Variants in SESN3 observed in about 807,000 individuals in gnomAD.
SESN3 encodes the protein sestrin-3.
In SESN3, 21 loss-of-function variants were observed where a neutral mutation model predicts 55.3. That is an observed-to-expected ratio of 0.38 (90% CI 0.27 to 0.55). SESN3 has a LOEUF of 0.55. Among genes scored for constraint, SESN3 ranks in the 20% least tolerant of loss-of-function variants. The probability of loss-of-function intolerance (pLI) is 0.76; values close to 1 mark genes in which losing one functional copy is unlikely to be tolerated. For synonymous variants in SESN3, 181 were observed against 203.1 expected (o/e 0.89, Z 0.93); for missense variants, 408 against 604.3 (o/e 0.68, Z 3.41).
At chr11:95,175,970 G>A (rs1859948010) in intron 8 of SESN3, among the ~76,000 whole-genome samples, 1 of 152,184 alleles carries the variant, frequency 6.6e-6, no homozygotes, top group Non-Finnish European at 1.5e-5. Flanking sequence ...TGGGAGGAGA[G>A]GAGTTGTTAT....
rs1481252851 is a variant in SESN3, at chr11:95,231,133, C to T, written c.-273G>A. The T allele has an allele frequency of 2.4e-6, 1 of 418,744 alleles. No homozygotes were observed. Among genetic ancestry groups the T allele is most frequent in the Admixed American group, 4.4e-5 (1 of 22,604 alleles). The allele number at this position is 418,744 out of a possible 1,614,324, so 25.9% of individuals were successfully genotyped here. On this transcript the variant is annotated 5_prime_UTR_variant, in exon 1 of 10. Transcript: ENST00000536441. ...CCGCCCCCATCTTCCAGACCCCCGC[C>T]CCCGCCAGGCTAGGACGAGCAGCCG...
In SESN3 at chr11:95,166,950, CTT is replaced by C. The variant is rs989599019; in HGVS notation, c.*6303_*6304del. 2 of 152,170 alleles carry C rather than the reference CTT, an allele frequency of 1.3e-5. No homozygotes were observed. Among genetic ancestry groups the C allele is most frequent in the Non-Finnish European group, 2.9e-5 (2 of 68,018 alleles). The allele number at this position is 152,170 out of a possible 1,614,324, so 9.4% of individuals were successfully genotyped here. A position where few individuals can be genotyped will look rare whatever the true frequency, so the allele number is the denominator to read the frequency against. ...TGGTGAACAAGGGTACTATTTAACT[CTT>C]TTACCTTAGAGAACCAGCGAAATTC... On this transcript the variant is annotated 3_prime_UTR_variant, in exon 10 of 10. Coordinates refer to ENST00000536441, the MANE Select transcript of SESN3 (RefSeq NM_144665.4).
chr11:95,176,903 A>G (rs1859967507), intron 8 of SESN3, among the ~76,000 whole-genome samples: 1 of 152,184 alleles, frequency 6.6e-6, no homozygotes, highest in Non-Finnish European at 1.5e-5. Context: ...ACATACAACC[A>G]TAATCTATTA....
rs745881490 is a variant in SESN3, at chr11:95,191,620, A to G, written c.145-19T>C. The G allele has an allele frequency of 7.6e-6, 12 of 1,587,446 alleles. No individual in the cohort carries two copies. Among genetic ancestry groups the G allele is most frequent in the East Asian group, 4.6e-5 (2 of 43,908 alleles). On this transcript the variant is annotated intron_variant, in intron 2 of 9. Coordinates refer to ENST00000536441, the MANE Select transcript of SESN3 (RefSeq NM_144665.4). The stretch of plus-strand genomic sequence containing the variant: ...GGACAACCTTATAACCAAAAAAAAC[A>G]AAACAAAATGACTATTGAGACATAA...
At chr11:95,201,237 C>G (rs1565470046) in intron 1 of SESN3, 3 of 151,944 alleles carry the variant, frequency 2.0e-5, no homozygotes, top group Admixed American at 1.3e-4. Context: ...ACAAGCTCAC[C>G]TAGTGAGTAC....
intron 1 of SESN3, among the ~76,000 whole-genome samples, chr11:95,226,063 A>G (rs1860943248): frequency 6.6e-6 from 1 of 152,156 alleles, no homozygotes; most frequent in African/African-American, 2.4e-5. Flanking sequence ...CATTCTGACT[A>G]AAAGCATAAT....
chr11:95,191,373 G>A (rs770897945), intron 3 of SESN3, 31 bp downstream of exon 3: 19 of 1,490,662 alleles, frequency 1.3e-5, no homozygotes, highest in Non-Finnish European at 1.8e-5. Context: ...TGAGGAAGGT[G>A]TTATGTGAAC....
chr11:95,189,576 C>A (rs1315136217), intron 4 of SESN3, among the ~76,000 whole-genome samples: 1 of 151,798 alleles, frequency 6.6e-6, no homozygotes, highest in Non-Finnish European at 1.5e-5. Flanking sequence ...TTTCTCATAG[C>A]CATTCACCAA....
At chr11:95,222,509 G>A (rs1860875896) in intron 1 of SESN3, among the ~76,000 whole-genome samples, 1 of 152,106 alleles carries the variant, frequency 6.6e-6, no homozygotes, top group African/African-American at 2.4e-5. Context: ...TGGCTATATT[G>A]TATCTAATAT....
At chr11:95,178,917 C>T (rs1860009918) in intron 6 of SESN3, 89 bp from the exon 7 acceptor site, 2 of 708,454 alleles carry the variant, frequency 2.8e-6, no homozygotes, top group Non-Finnish European at 4.8e-6. Context: ...CACTTTTTAG[C>T]TTTTCCATGG....
At chr11:95,207,376 G>A (rs1860570127) in intron 1 of SESN3, among the ~76,000 whole-genome samples, 1 of 151,414 alleles carries the variant, frequency 6.6e-6, no homozygotes, top group Admixed American at 6.6e-5. Flanking sequence ...GATGAAAAAG[G>A]TACTAAAACC....
rs1358624572 is a variant in SESN3, at chr11:95,169,921, TTA to T, written c.*3332_*3333del. The stretch of plus-strand genomic sequence containing the variant: ...ATTTTATAGGATTCTTATATAAAAC[TTA>T]TATTGAGTTTTCTGTTGTAAAAACA... On this transcript the variant is annotated 3_prime_UTR_variant, in exon 10 of 10. Coordinates refer to ENST00000536441, the MANE Select transcript of SESN3 (RefSeq NM_144665.4). The T allele has an allele frequency of 6.6e-5, 10 of 152,328 alleles. No individual in the cohort carries two copies. In the South Asian group the frequency reaches 1.2e-3, roughly 19 times the overall value. The allele number at this position is 152,328 out of a possible 1,614,324, so 9.4% of individuals were successfully genotyped here.
rs1346239404 is a variant in SESN3, at chr11:95,173,125, A to AC, written c.*129_*130insG. 1.9e-6 allele frequency: 1 copy of AC among 538,596 alleles called. No homozygotes were observed. Among genetic ancestry groups the AC allele is most frequent in the Non-Finnish European group, 3.3e-6 (1 of 304,914 alleles). The allele number at this position is 538,596 out of a possible 1,614,324, so 33.4% of individuals were successfully genotyped here. A position where few individuals can be genotyped will look rare whatever the true frequency, so the allele number is the denominator to read the frequency against. On this transcript the variant is annotated 3_prime_UTR_variant, in exon 10 of 10. Transcript: ENST00000536441. ...CATTACAGCCGCAAAAAACAAAAAAAAAAAAACAAACGGCTAAACTTTGAC... is the reference window on the plus strand; with the variant it reads ...CATTACAGCCGCAAAAAACAAAAAAACAAAAAACAAACGGCTAAACTTTGAC...
chr11:95,193,138 C>T (rs576138693), intron 2 of SESN3, among the ~76,000 whole-genome samples: 60 of 151,776 alleles, frequency 4.0e-4, no homozygotes, highest in African/African-American at 1.4e-3. Context: ...ACTGAGCTCC[C>T]GAAATGTTAC....
chr11:95,221,025 G>T (rs918722905), intron 1 of SESN3, among the ~76,000 whole-genome samples: 1 of 152,054 alleles, frequency 6.6e-6, no homozygotes, highest in East Asian at 1.9e-4. Flanking sequence ...AGTCACAGCC[G>T]GGCTGGGTGG....
chr11:95,189,715 T>C, intron 4 of SESN3, 64 bp downstream of exon 4: 1 of 1,144,452 alleles, frequency 8.7e-7, no homozygotes, highest in Non-Finnish European at 1.2e-6. Flanking sequence ...AAGTTCCTAA[T>C]ATACACATAT....
chr11:95,174,122 G>A (rs1224352532), intron 9 of SESN3, among the ~76,000 whole-genome samples: 1 of 152,112 alleles, frequency 6.6e-6, no homozygotes, highest in African/African-American at 2.4e-5. Context: ...TGTAAAATGG[G>A]TATTTACCTG....
At position 95,170,256 on chromosome 11, in the gene SESN3, G is replaced by A. The variant is rs1859824939; in HGVS notation, c.*2999C>T. 1 of 152,188 alleles carries A rather than the reference G, an allele frequency of 6.6e-6. No homozygotes were observed. The highest frequency in any genetic ancestry group is 1.5e-5 in the Non-Finnish European group (1 of 68,024). 9.4% of individuals were successfully genotyped at this position (152,188 alleles called of 1,614,324 possible). A position where few individuals can be genotyped will look rare whatever the true frequency, so the allele number is the denominator to read the frequency against. On this transcript the variant is annotated 3_prime_UTR_variant, in exon 10 of 10. Coordinates refer to ENST00000536441, the MANE Select transcript of SESN3 (RefSeq NM_144665.4). Reference sequence around the variant, plus strand: ...GAACAGATTATTTTCAGGTGGGAGAGTATCTCAATATTTCTTAAGGTGATC... The same window carrying A: ...GAACAGATTATTTTCAGGTGGGAGAATATCTCAATATTTCTTAAGGTGATC...
At position 95,181,795 on chromosome 11, in the gene SESN3, C is replaced by A. The variant is rs185048897; in HGVS notation, c.937+2625G>T. On this transcript the variant is annotated intron_variant, in intron 6 of 9. Coordinates refer to ENST00000536441, the MANE Select transcript of SESN3 (RefSeq NM_144665.4). ...GGTCAAACCAAGACTTTTTTAATACCAAAAAAAACCCTTTTTATTTCTATT... is the reference window on the plus strand; with the variant it reads ...GGTCAAACCAAGACTTTTTTAATACAAAAAAAAACCCTTTTTATTTCTATT... Among the ~76,000 whole-genome samples, 21 of 151,262 alleles carry A rather than the reference C, an allele frequency of 1.4e-4. No homozygotes were observed. In the East Asian group the frequency reaches 4.1e-3, roughly 29 times the overall value.
Sources: allele counts gnomAD v4.1 joint callset (sites outside exome capture counted in the v4.1 genomes callset), GRCh38; gene constraint gnomAD v4.1.1; transcripts MANE v1.5; gene names NCBI Gene and HGNC (gene_info 2026-07-23, HGNC 2026-07-21).